Variants in DCAF6 observed in about 807,000 individuals in gnomAD.
The protein encoded by DCAF6 is DDB1- and CUL4-associated factor 6.
DCAF6 carries 54 observed loss-of-function variants against 125.1 expected under a neutral mutation model. The observed-to-expected ratio is 0.43, with a 90% CI of 0.35 to 0.54. The LOEUF is 0.54. DCAF6 is among the 20% of genes least tolerant of loss of function. The pLI, the probability that DCAF6 is intolerant of heterozygous loss-of-function variation, is 0.01. For missense variants in DCAF6, 934 were observed against 1,161.7 expected (o/e 0.80, Z 2.85); for synonymous variants, 371 against 390.4 (o/e 0.95, Z 0.58).
At chr1:167,870,482 T>C in the DCAF6 span, 2 of 1,327,460 alleles carry the variant, frequency 1.5e-6, no homozygotes, top group Non-Finnish European at 2.1e-6. Flanking sequence ...AAAAGTCACA[T>C]AGAAACCCTC....
the DCAF6 span, among the ~76,000 whole-genome samples, chr1:167,871,677 T>A: frequency 2.0e-5 from 3 of 152,262 alleles, no homozygotes; most frequent in Non-Finnish European, 2.9e-5. Context: ...TATCCAGGTA[T>A]TATCTAATGT....
At position 167,952,687 on chromosome 1, in the gene DCAF6, C is replaced by T. The variant is rs76765947; in HGVS notation, c.159+826C>T. On this transcript the variant is annotated intron_variant, in intron 2 of 21. Coordinates refer to ENST00000367840, the MANE Select transcript of DCAF6 (RefSeq NM_001198956.2). ...CACGAAGACCCTGTCTTGGTATCTC[C>T]CACCCTCTTTTCTCTCCAGCTCAAA... is the stretch of plus-strand genomic sequence containing the variant. Among the ~76,000 whole-genome samples, 870 of 152,222 alleles carry T rather than the reference C, an allele frequency of 5.7e-3. 18 individuals carry two copies. Among genetic ancestry groups the T allele is most frequent in the East Asian group, 0.039 (200 of 5,180 alleles).
At chr1:167,954,901 C>T (rs1674533996) in intron 2 of DCAF6, among the ~76,000 whole-genome samples, 1 of 152,090 alleles carries the variant, frequency 6.6e-6, no homozygotes, top group Non-Finnish European at 1.5e-5. Flanking sequence ...AAAAGTTTGC[C>T]CATGTGCCCT....
In DCAF6 at chr1:168,037,569, C is replaced by CT. The variant is rs936486989; in HGVS notation, c.1610-793dup. On this transcript the variant is annotated intron_variant, in intron 12 of 21. Transcript: ENST00000367840. ...TTATGTCTTTGCATATCCATGTACT[C>CT]TTTTTTTTTGGCAGGTGGGGAAGGT... Among the ~76,000 whole-genome samples, 156 of 150,964 alleles carry CT rather than the reference C, an allele frequency of 1.0e-3. 1 individual carries two copies. The highest frequency in any genetic ancestry group is 3.4e-3 in the Middle Eastern group (1 of 292).
chr1:168,007,962 CT>C (rs35185748), intron 10 of DCAF6, among the ~76,000 whole-genome samples: 4,596 of 67,282 alleles, frequency 0.068, 95 homozygotes, highest in African/African-American at 0.078. Flanking sequence ...TGTTGTACAT[CT>C]TTTTTTTTTT....
At chr1:167,975,042 A>C in intron 4 of DCAF6, 27 bp downstream of exon 4, 2 of 1,449,022 alleles carry the variant, frequency 1.4e-6, no homozygotes, top group Non-Finnish European at 1.9e-6. Flanking sequence ...ATTATATGAT[A>C]TATATGTAAG....
intron 21 of DCAF6, among the ~76,000 whole-genome samples, 177 bp downstream of exon 21, chr1:168,068,640 A>C (rs1373887837): frequency 6.6e-6 from 1 of 152,176 alleles, no homozygotes; most frequent in South Asian, 2.1e-4. Flanking sequence ...TTAGTTCCTC[A>C]TGAACTACAT....
intron 19 of DCAF6, 120 bp downstream of exon 19, chr1:168,065,866 G>C (rs380095): frequency 0.9 from 808,483 of 895,908 alleles, 365,316 homozygotes; most frequent in African/African-American, 0.98. Context: ...TGACTAGGCA[G>C]CAGTAGAGTC....
At chr1:167,906,622 CAA>C in the DCAF6 span, among the ~76,000 whole-genome samples, 34,657 of 109,350 alleles carry the variant, frequency 0.32, 4,188 homozygotes, top group Middle Eastern at 0.37. Flanking sequence ...CCCATCTCTA[CAA>C]AAAAAAAAAA....
chr1:167,989,184 C>T (rs148715030), intron 5 of DCAF6, among the ~76,000 whole-genome samples: 1 of 152,266 alleles, frequency 6.6e-6, no homozygotes, highest in African/African-American at 2.4e-5. Context: ...AAGCATTGAA[C>T]TAAACTCAGA....
chr1:167,983,505 G>A, intron 4 of DCAF6, among the ~76,000 whole-genome samples: 1 of 151,988 alleles, frequency 6.6e-6, no homozygotes, highest in Non-Finnish European at 1.5e-5. Context: ...TTTGTCAAAG[G>A]GGCCTGTGTG....
At chr1:167,924,591 G>A in the DCAF6 span, 28 of 1,279,632 alleles carry the variant, frequency 2.2e-5, no homozygotes, top group South Asian at 2.4e-4. Flanking sequence ...TATTATACAC[G>A]TCTTTTAACA....
chr1:168,034,761 G>A (rs997813916), intron 12 of DCAF6, among the ~76,000 whole-genome samples: 1 of 151,878 alleles, frequency 6.6e-6, no homozygotes, highest in Non-Finnish European at 1.5e-5. Flanking sequence ...AAACCTTAAG[G>A]GTTTTAAATA....
the DCAF6 span, among the ~76,000 whole-genome samples, chr1:167,914,744 A>G: frequency 1.3e-5 from 2 of 152,176 alleles, no homozygotes; most frequent in Admixed American, 6.5e-5. Flanking sequence ...GTTCTTATGT[A>G]TATCATCACA....
the DCAF6 span, chr1:167,899,300 C>G: frequency 1.0e-6 from 1 of 964,388 alleles, no homozygotes; most frequent in South Asian, 1.4e-5. Flanking sequence ...CTAACCCAGA[C>G]TGACCCCATC....
Position 168,022,988 on chromosome 1 carries a change from AT to A in DCAF6, c.1552del (p.Ser518LeufsTer26). 1 of 1,613,990 alleles carries A rather than the reference AT, an allele frequency of 6.2e-7. No individual in the cohort carries two copies. The highest frequency in any genetic ancestry group is 2.2e-5 in the East Asian group (1 of 44,880). On this transcript the variant is annotated frameshift_variant and splice_region_variant, in exon 12 of 22. Transcript: ENST00000367840. LOFTEE classifies it high-confidence loss of function. ...AGTTGAAATCTCATTTTTGTTTCAG[AT>A]TCTCCTTCTTCTGTGGTTAACAAAC... is the stretch of plus-strand genomic sequence containing the variant. ...EGSSQDPHASDSPSSVVNKQL... is the reference protein window; with the variant it reads ...EGSSQDPHASXSPSSVVNKQL...
At chr1:167,904,082 C>CTTT in the DCAF6 span, 641 of 362,580 alleles carry the variant, frequency 1.8e-3, no homozygotes, top group Middle Eastern at 3.5e-3. Flanking sequence ...CGGGCCTCAG[C>CTTT]TTTTTTTTTT....
At chr1:167,925,520 G>C in the DCAF6 span, among the ~76,000 whole-genome samples, 4 of 71,942 alleles carry the variant, frequency 5.6e-5, no homozygotes, top group Non-Finnish European at 1.1e-4. Context: ...TACAAACAAC[G>C]TTTTTTTTTT....
At chr1:167,899,473 C>T in the DCAF6 span, 1 of 1,614,198 alleles carries the variant, frequency 6.2e-7, no homozygotes. Flanking sequence ...ATGCTCCGGT[C>T]ACAGAGCTGC....
Sources: gnomAD v4.1 joint callset for allele counts (sites outside exome capture counted in the v4.1 genomes callset) on GRCh38, gnomAD v4.1.1 for gene constraint, MANE v1.5 for transcripts, NCBI Gene and HGNC (gene_info 2026-07-23, HGNC 2026-07-21) for gene names.